The following ZNF223 variants were observed in gnomAD, a reference collection of about 807,000 sequenced individuals.
ZNF223 encodes zinc finger protein 223.
ZNF223 carries 9 observed loss-of-function variants against 12.3 expected under a neutral mutation model. The observed-to-expected ratio is 0.73, with a 90% CI of 0.44 to 1.28. The LOEUF is 1.28. Among genes scored for constraint, ZNF223 ranks in the 50% most tolerant of loss-of-function variants. The pLI, the probability that ZNF223 is intolerant of heterozygous loss-of-function variation, is 0.00. For synonymous variants in ZNF223, 171 were observed against 195.2 expected, an observed-to-expected ratio of 0.88 and a Z score of 1.03; for missense variants, 506 against 579.0, an observed-to-expected ratio of 0.87 and a Z score of 1.29.
intron 1 of ZNF223, among the ~76,000 whole-genome samples, chr19:44,052,653 T>C (rs1269117340): frequency 6.6e-6 from 1 of 152,208 alleles, no homozygotes; most frequent in Non-Finnish European, 1.5e-5. Flanking sequence ...ACATTTTTCC[T>C]GTTTGCTTTG....
Position 44,067,139 on chromosome 19 carries a change from TGTATACCG to T in ZNF223, c.1314_1321del (p.Tyr439IlefsTer3), listed in dbSNP as rs1440324751. 1.2e-6 allele frequency: 2 copies of T among 1,613,660 alleles called. No individual in the cohort carries two copies. The highest frequency in any genetic ancestry group is 2.2e-5 in the South Asian group (2 of 90,908). On this transcript the variant is annotated frameshift_variant, in exon 5 of 5. Coordinates refer to ENST00000434772, the MANE Select transcript of ZNF223 (RefSeq NM_013361.6). LOFTEE classifies it low-confidence loss of function (END_TRUNC). ...AATGTGAGGATTGTGGAAAGAAGCT[TGTATACCG>T]GTCATACCGTAAAGACCAACAAAAA...
intron 1 of ZNF223, among the ~76,000 whole-genome samples, chr19:44,052,487 C>T (rs577653845): frequency 6.6e-6 from 1 of 152,274 alleles, no homozygotes; most frequent in Admixed American, 6.5e-5. Context: ...AGAGATAATA[C>T]AAATGAAAGC....
rs1375121315 is a variant in ZNF223 at position 44,066,953 on chromosome 19, C to G, written c.1125C>G (p.Asp375Glu). Residue 375 changes from aspartate to glutamate, a missense_variant, in exon 5 of 5, where the codon GAC becomes GAG. By Grantham distance (45) the Asp-to-Glu change is conservative. Coordinates refer to ENST00000434772, the MANE Select transcript of ZNF223 (RefSeq NM_013361.6). Reference sequence around the variant, plus strand: ...CTGGAGAAAAGCCATACAAATGTGACAAGTGTGGGAAGAGCTACATTACTA... The same window carrying G: ...CTGGAGAAAAGCCATACAAATGTGAGAAGTGTGGGAAGAGCTACATTACTA... Reference protein sequence around the residue: ...VHTGEKPYKCDKCGKSYITKS... With the variant: ...VHTGEKPYKCEKCGKSYITKS... 3.1e-6 allele frequency: 5 copies of G among 1,614,010 alleles called. No homozygotes were observed. In the Admixed American group the frequency reaches 8.3e-5, roughly 27 times the overall value.
Position 44,066,700 on chromosome 19 carries a change from A to T in ZNF223, c.872A>T (p.Glu291Val). 4 of 1,614,198 alleles carry T rather than the reference A, an allele frequency of 2.5e-6. No individual in the cohort carries two copies. The highest frequency in any genetic ancestry group is 3.4e-6 in the Non-Finnish European group (4 of 1,180,036). Residue 291 changes from glutamate to valine, a missense_variant, in exon 5 of 5, where the codon GAG becomes GTG. By Grantham distance (121) the Glu-to-Val change is moderately radical. Coordinates refer to ENST00000434772, the MANE Select transcript of ZNF223 (RefSeq NM_013361.6). ...IHTGEKPFKC[E>V]ICSVSFRLRS... Reference sequence around the variant, plus strand: ...ACAGGGGAGAAGCCATTCAAATGTGAGATATGTAGTGTGAGCTTCCGTCTT... The same window carrying T: ...ACAGGGGAGAAGCCATTCAAATGTGTGATATGTAGTGTGAGCTTCCGTCTT...
rs905156894 is a variant in ZNF223 at position 44,059,636 on chromosome 19, G to A, written c.16-819G>A. Among the ~76,000 whole-genome samples the A allele has an allele frequency of 2.0e-5, 3 of 152,230 alleles. No individual in the cohort carries two copies. In the East Asian group the frequency reaches 5.8e-4, roughly 29 times the overall value. ...CAGATTAATAGCTGTTGGATAGTGG[G>A]TGGGCTGAGGTGGTGCAGCGACCCA... is the stretch of plus-strand genomic sequence containing the variant. On this transcript the variant is annotated intron_variant, in intron 2 of 4. Transcript: ENST00000434772.
intron 2 of ZNF223, among the ~76,000 whole-genome samples, chr19:44,058,474 C>T (rs564562939): frequency 6.6e-6 from 1 of 152,312 alleles, no homozygotes; most frequent in East Asian, 1.9e-4. Context: ...AAGTAGTAAT[C>T]CTGCCCAGGT....
chr19:44,055,582 C>T (rs1976753853), intron 2 of ZNF223, among the ~76,000 whole-genome samples: 1 of 151,674 alleles, frequency 6.6e-6, no homozygotes, highest in African/African-American at 2.4e-5. Context: ...CCAGTCTGAC[C>T]AACATGGAGA....
Position 44,060,797 on chromosome 19 carries a change from A to T in ZNF223, c.191A>T (p.Lys64Met). The T allele has an allele frequency of 6.2e-7, 1 of 1,613,600 alleles. No homozygotes were observed. The highest frequency in any genetic ancestry group is 1.1e-5 in the South Asian group (1 of 91,064). The change falls in exon 4 of 5, where the codon AAG (lysine) becomes ATG (methionine). Residue 64 changes from lysine to methionine, a missense_variant. By Grantham distance (95) the Lys-to-Met change is moderately conservative (BLOSUM62 -1). Coordinates refer to ENST00000434772, the MANE Select transcript of ZNF223 (RefSeq NM_013361.6). ...RDTFHFLREE[K>M]FWMMDIATQR... Reference sequence around the variant, plus strand: ...ACTTTCCACTTTCTAAGGGAGGAAAAGTTTTGGATGATGGATATAGCAACC... The same window carrying T: ...ACTTTCCACTTTCTAAGGGAGGAAATGTTTTGGATGATGGATATAGCAACC...
intron 4 of ZNF223, among the ~76,000 whole-genome samples, chr19:44,062,756 G>A (rs1824437822): frequency 6.6e-6 from 1 of 152,124 alleles, no homozygotes; most frequent in African/African-American, 2.4e-5. Context: ...TTTGAATGAG[G>A]ATTTGCAGCT....
In ZNF223 at chr19:44,060,776, T is replaced by C. The variant is rs775093129; in HGVS notation, c.170T>C (p.Phe57Ser). Residue 57 changes from phenylalanine (F) to serine (S), a missense_variant, in exon 4 of 5, where the codon TTC becomes TCC. Phe to Ser is a radical substitution (Grantham distance 155). Coordinates refer to ENST00000434772, the MANE Select transcript of ZNF223 (RefSeq NM_013361.6). ...VGHQPFHRDT[F>S]HFLREEKFWM... Reference sequence around the variant, plus strand: ...CATCAACCATTCCACCGAGATACTTTCCACTTTCTAAGGGAGGAAAAGTTT... The same window carrying C: ...CATCAACCATTCCACCGAGATACTTCCCACTTTCTAAGGGAGGAAAAGTTT... 12 of 1,614,188 alleles carry C rather than the reference T, an allele frequency of 7.4e-6. No individual in the cohort carries two copies. Among genetic ancestry groups the C allele is most frequent in the South Asian group, 1.1e-5 (1 of 91,074 alleles).
chr19:44,061,406 G>A (rs143951274), intron 4 of ZNF223, among the ~76,000 whole-genome samples: 1 of 152,306 alleles, frequency 6.6e-6, no homozygotes, highest in African/African-American at 2.4e-5. Flanking sequence ...ATGTTCATGG[G>A]GAGAAGGCTT....
Position 44,067,546 on chromosome 19 carries a change from T to C in ZNF223, c.*269T>C, listed in dbSNP as rs1226714236. 1.1e-5 allele frequency: 5 copies of C among 467,234 alleles called. No individual in the cohort carries two copies. The Admixed American group carries it at 1.1e-4, about 10-fold the overall frequency. The allele number at this position is 467,234 out of a possible 1,614,324, so 28.9% of individuals were successfully genotyped here. Reference sequence around the variant, plus strand: ...ACCTTTGGCCATCCCACCTATCCCTTACCCTTCCCTGCCTCTAGAGCCACT... The same window carrying C: ...ACCTTTGGCCATCCCACCTATCCCTCACCCTTCCCTGCCTCTAGAGCCACT... On this transcript the variant is annotated 3_prime_UTR_variant, in exon 5 of 5. Transcript: ENST00000434772.
chr19:44,056,101 CTCT>C (rs1857489853), intron 2 of ZNF223, among the ~76,000 whole-genome samples: 3 of 152,072 alleles, frequency 2.0e-5, no homozygotes, highest in Non-Finnish European at 2.9e-5. Context: ...TTGGTGTGAC[CTCT>C]TCTTTTCCAG....
At chr19:44,064,436 T>A (rs1044669008) in intron 4 of ZNF223, among the ~76,000 whole-genome samples, 2 of 152,146 alleles carry the variant, frequency 1.3e-5, no homozygotes, top group African/African-American at 2.4e-5. Context: ...GATAACCAAC[T>A]TATCATCCAT....
At position 44,067,178 on chromosome 19, in the gene ZNF223, C is replaced by T; in HGVS notation, c.1350C>T (p.His450=). ...ACCGTAAAGACCAACAAAAAAACCA[C>T]AGTGGAGAAAATCCATCCAAATGTG... The part of the protein sequence containing the change: ...RSYRKDQQKN[H]SGENPSKCED... The change falls in exon 5 of 5, where the codon CAC becomes CAT. Residue 450 remains histidine (H), a synonymous_variant. Coordinates refer to ENST00000434772, the MANE Select transcript of ZNF223 (RefSeq NM_013361.6). 6.2e-7 allele frequency: 1 copy of T among 1,612,568 alleles called. No homozygotes were observed. Among genetic ancestry groups the T allele is most frequent in the South Asian group, 1.1e-5 (1 of 90,538 alleles).
Position 44,066,911 on chromosome 19 carries a change from C to T in ZNF223, c.1083C>T (p.Ile361=). ...KSFRRSSYLL[I]HQRVHTGEKP... ...TCAGACGGTCCTCCTATCTTTTGAT[C>T]CATCAGCGAGTCCACACTGGAGAAA... is the stretch of plus-strand genomic sequence containing the variant. Residue 361 remains isoleucine (I), a synonymous_variant, in exon 5 of 5, where the codon ATC becomes ATT. Transcript: ENST00000434772. The T allele has an allele frequency of 6.2e-7, 1 of 1,614,004 alleles. No individual in the cohort carries two copies. The highest frequency in any genetic ancestry group is 8.5e-7 in the Non-Finnish European group (1 of 1,179,992).
intron 4 of ZNF223, among the ~76,000 whole-genome samples, chr19:44,064,039 T>A (rs8106663): frequency 0.27 from 41,577 of 152,062 alleles, 6,048 homozygotes; most frequent in African/African-American, 0.36. Context: ...GAACATTTTG[T>A]GAGCATGAAC....
intron 3 of ZNF223, 68 bp downstream of exon 3, chr19:44,060,649 AAGTTTG>A: frequency 6.2e-7 from 1 of 1,613,460 alleles, no homozygotes; most frequent in Admixed American, 1.7e-5. Flanking sequence ...TAGGGTGTTC[AAGTTTG>A]AGTGTGCAGT....
intron 2 of ZNF223, among the ~76,000 whole-genome samples, chr19:44,058,912 G>A (rs572822154): frequency 1.1e-4 from 17 of 152,288 alleles, no homozygotes; most frequent in African/African-American, 3.1e-4. Context: ...GGTGCATCTC[G>A]CTTCCAGGGT....
Sources: gnomAD v4.1 joint callset for allele counts (sites outside exome capture counted in the v4.1 genomes callset) on GRCh38, gnomAD v4.1.1 for gene constraint, MANE v1.5 for transcripts, NCBI Gene and HGNC (gene_info 2026-07-23, HGNC 2026-07-21) for gene names.